The following LRMDA variants were observed in gnomAD, a reference collection of about 807,000 sequenced individuals.
LRMDA encodes the protein leucine rich melanocyte differentiation associated.
LRMDA carries 18 observed loss-of-function variants against 29.8 expected under a neutral mutation model. The ratio of observed to expected loss-of-function variants is 0.60; its 90% CI spans 0.42 to 0.90. The LOEUF (loss-of-function observed/expected upper bound fraction) is 0.90. LRMDA is among the 40% of genes least tolerant of loss of function. The pLI is 0.00. For missense variants in LRMDA, 273 were observed against 273.9 expected, an observed-to-expected ratio of 1.00 and a Z score of 0.02; for synonymous variants, 125 against 109.4, an observed-to-expected ratio of 1.14 and a Z score of -0.89.
intron 2 of LRMDA, among the ~76,000 whole-genome samples, chr10:76,005,726 C>A (rs184337727): frequency 6.6e-6 from 1 of 152,108 alleles, no homozygotes; most frequent in African/African-American, 2.4e-5. Context: ...GTCAGGAGAT[C>A]GAGATCAACT....
At chr10:76,029,409 C>T (rs1489478686) in intron 2 of LRMDA, among the ~76,000 whole-genome samples, 5 of 152,152 alleles carry the variant, frequency 3.3e-5, no homozygotes, top group African/African-American at 4.8e-5. Flanking sequence ...TGAAGGATTA[C>T]CTTTTTACAA....
intron 6 of LRMDA, among the ~76,000 whole-genome samples, chr10:76,327,010 G>A (rs772080226): frequency 6.6e-5 from 10 of 151,298 alleles, no homozygotes; most frequent in Non-Finnish European, 2.9e-5. Flanking sequence ...ATTCTACTTT[G>A]TATGATAGAG....
intron 2 of LRMDA, among the ~76,000 whole-genome samples, chr10:75,933,140 A>C (rs1256449243): frequency 6.6e-6 from 1 of 152,104 alleles, no homozygotes; most frequent in East Asian, 1.9e-4. Flanking sequence ...AATTTAAGGA[A>C]GTTGTGGACA....
chr10:76,306,929 C>T (rs1206095570), intron 5 of LRMDA, among the ~76,000 whole-genome samples: 2 of 152,142 alleles, frequency 1.3e-5, no homozygotes, highest in Non-Finnish European at 2.9e-5. Context: ...TGTATTACTC[C>T]TCACTTAAAC....
intron 2 of LRMDA, among the ~76,000 whole-genome samples, chr10:75,644,503 C>A (rs562505448): frequency 3.4e-4 from 52 of 152,242 alleles, no homozygotes. Flanking sequence ...TCACATTATA[C>A]AATGGGGTCT....
chr10:76,400,621 T>G (rs1342846719), intron 6 of LRMDA, among the ~76,000 whole-genome samples: 1 of 152,224 alleles, frequency 6.6e-6, no homozygotes, highest in Non-Finnish European at 1.5e-5. Flanking sequence ...CTGTTCATAT[T>G]TCTGGCTTTC....
At chr10:75,880,492 T>C (rs1845276493) in intron 2 of LRMDA, among the ~76,000 whole-genome samples, 1 of 152,222 alleles carries the variant, frequency 6.6e-6, no homozygotes, top group African/African-American at 2.4e-5. Flanking sequence ...AGGGGTCAAA[T>C]AGGATTCACA....
At chr10:76,489,098 CT>C (rs778661045) in intron 6 of LRMDA, among the ~76,000 whole-genome samples, 13 of 151,894 alleles carry the variant, frequency 8.6e-5, no homozygotes, top group Middle Eastern at 3.4e-3. Context: ...ATTGGTATTT[CT>C]TCTTTAAATA....
At chr10:76,475,453 G>C (rs1052983627) in intron 6 of LRMDA, among the ~76,000 whole-genome samples, 5 of 151,902 alleles carry the variant, frequency 3.3e-5, no homozygotes, top group Admixed American at 1.3e-4. Context: ...AATAATGCAA[G>C]ACTTTAACAC....
At chr10:76,551,077 T>C (rs370108977) in intron 6 of LRMDA, among the ~76,000 whole-genome samples, 9 of 151,974 alleles carry the variant, frequency 5.9e-5, no homozygotes, top group Admixed American at 2.6e-4. Flanking sequence ...GACTGAGGAA[T>C]GTGCTTTCTG....
intron 2 of LRMDA, among the ~76,000 whole-genome samples, chr10:75,703,376 G>C (rs199894235): frequency 2.0e-5 from 3 of 152,186 alleles, no homozygotes; most frequent in African/African-American, 7.2e-5. Flanking sequence ...AGAGAGTTCC[G>C]TTTTCTCTTC....
In LRMDA at chr10:76,011,462, G is replaced by A. The variant is rs542800408; in HGVS notation, c.132-24546G>A. On this transcript the variant is annotated intron_variant, in intron 2 of 6. Transcript: ENST00000611255. ...TCTACGGGGCCATGGAGCCATTGCT[G>A]TGAGCCAGTGTGTGACCATGAGCGA... Among the ~76,000 whole-genome samples, 481 of 152,286 alleles carry A rather than the reference G, an allele frequency of 3.2e-3. 1 individual carries two copies. Among genetic ancestry groups the A allele is most frequent in the African/African-American group, 0.011 (460 of 41,560 alleles).
intron 1 of LRMDA, 33 bp from the exon 2 acceptor site, chr10:75,438,361 T>G: frequency 1.3e-6 from 2 of 1,501,606 alleles, no homozygotes; most frequent in South Asian, 2.4e-5. Flanking sequence ...GATTTCCATT[T>G]GCCACATTGT....
intron 2 of LRMDA, among the ~76,000 whole-genome samples, chr10:75,682,222 C>T (rs368617770): frequency 1.3e-5 from 2 of 152,270 alleles, no homozygotes; most frequent in South Asian, 2.1e-4. Flanking sequence ...GCTTTGAGAG[C>T]GAAGATAGCA....
At chr10:75,990,874 G>C (rs555147291) in intron 2 of LRMDA, among the ~76,000 whole-genome samples, 2 of 152,268 alleles carry the variant, frequency 1.3e-5, no homozygotes, top group East Asian at 3.9e-4. Context: ...AGGAAGGGAA[G>C]CCTTGTGGAG....
chr10:76,297,780 T>C (rs1322328855), intron 5 of LRMDA, among the ~76,000 whole-genome samples: 1 of 152,008 alleles, frequency 6.6e-6, no homozygotes, highest in Non-Finnish European at 1.5e-5. Context: ...AGGCAGAAAA[T>C]GATTTCCCCC....
At chr10:76,376,867 T>A (rs1207705250) in intron 6 of LRMDA, among the ~76,000 whole-genome samples, 5 of 36,512 alleles carry the variant, frequency 1.4e-4, no homozygotes, top group African/African-American at 7.9e-4. Context: ...TTGGAAGTCT[T>A]TTTTTTTTTT....
intron 2 of LRMDA, among the ~76,000 whole-genome samples, chr10:75,866,239 A>C (rs1002971338): frequency 6.6e-6 from 1 of 152,070 alleles, no homozygotes; most frequent in Non-Finnish European, 1.5e-5. Context: ...GTGGCCACCC[A>C]TGGCTCTGTG....
intron 2 of LRMDA, among the ~76,000 whole-genome samples, chr10:75,902,022 G>T (rs942966088): frequency 1.3e-5 from 2 of 152,114 alleles, no homozygotes; most frequent in Non-Finnish European, 1.5e-5. Flanking sequence ...CATTTGGGGG[G>T]TTCAGTATGA....
Sources: allele counts gnomAD v4.1 joint callset (sites outside exome capture counted in the v4.1 genomes callset), GRCh38; gene constraint gnomAD v4.1.1; transcripts MANE v1.5; gene names NCBI Gene and HGNC (gene_info 2026-07-23, HGNC 2026-07-21).